The following SHROOM2 variants were observed in gnomAD, a reference collection of about 807,000 sequenced individuals.
The protein encoded by SHROOM2 is protein Shroom2.
Under a neutral mutation model 75.9 loss-of-function variants are expected in SHROOM2, and 33 were observed. That is an observed-to-expected ratio of 0.43 (90% CI 0.33 to 0.58). SHROOM2 has a LOEUF of 0.58. SHROOM2 is among the 20% of genes least tolerant of loss of function. The probability of loss-of-function intolerance (pLI) is 0.04; values close to 1 mark genes in which losing one functional copy is unlikely to be tolerated. For missense variants in SHROOM2, 1,434 were observed against 1,461.2 expected (o/e 0.98, Z 0.30); for synonymous variants, 655 against 663.6 (o/e 0.99, Z 0.20).
chrX:9,900,226 C>A (rs755762001), intron 5 of SHROOM2, among the ~76,000 whole-genome samples: 2 of 110,047 alleles, frequency 1.8e-5, no homozygotes, highest in African/African-American at 6.6e-5. Context: ...AGTGGTGAGG[C>A]GCGATGAAAT....
At chrX:9,864,549 T>C (rs1488923448) in intron 1 of SHROOM2, among the ~76,000 whole-genome samples, 1 of 110,733 alleles carries the variant, frequency 9.0e-6, no homozygotes, top group Admixed American at 9.6e-5. Context: ...CCGGGCGCGG[T>C]GGCTCACGCC....
intron 5 of SHROOM2, among the ~76,000 whole-genome samples, chrX:9,911,599 T>A (rs2084426523): frequency 9.0e-6 from 1 of 110,804 alleles, no homozygotes; most frequent in Non-Finnish European, 1.9e-5. Context: ...TGCTGAGGTC[T>A]GGGGCTGCGT....
intron 1 of SHROOM2, among the ~76,000 whole-genome samples, chrX:9,813,861 T>C (rs986169106): frequency 8.0e-5 from 9 of 112,069 alleles, no homozygotes; most frequent in African/African-American, 2.9e-4. Context: ...TTATGGTAGC[T>C]ACGCACACCT....
intron 2 of SHROOM2, among the ~76,000 whole-genome samples, chrX:9,887,763 G>T (rs1475622286): frequency 2.7e-5 from 3 of 112,835 alleles, no homozygotes; most frequent in African/African-American, 9.7e-5. Context: ...GAGGGAGGCG[G>T]TGTAAACAGT....
intron 5 of SHROOM2, among the ~76,000 whole-genome samples, chrX:9,900,811 C>T (rs1251363056): frequency 9.0e-6 from 1 of 111,073 alleles, no homozygotes; most frequent in East Asian, 2.8e-4. Flanking sequence ...TTGCTTCCCT[C>T]CAGCTCTTCT....
chrX:9,932,252 C>A lies in SHROOM2; in HGVS notation c.2969C>A (p.Pro990His). 4 of 1,186,451 alleles carry A rather than the reference C, an allele frequency of 3.4e-6. No homozygotes were observed. The highest frequency in any genetic ancestry group is 4.5e-6 in the Non-Finnish European group (4 of 881,233). ...CCGAGTCAGAAGGCACCGAACCCACCCACATTCTCTGAACTATCTCACTGC... is the reference window on the plus strand; with the variant it reads ...CCGAGTCAGAAGGCACCGAACCCACACACATTCTCTGAACTATCTCACTGC... Reference protein sequence around the residue: ...HPPSQKAPNPPTFSELSHCRG... With the variant: ...HPPSQKAPNPHTFSELSHCRG... Residue 990 changes from proline to histidine, a missense_variant, in exon 6 of 10, where the codon CCC (proline) becomes CAC (histidine). Coordinates refer to ENST00000380913, the MANE Select transcript of SHROOM2 (RefSeq NM_001649.4).
chrX:9,918,800 T>C (rs1056821255), intron 5 of SHROOM2, among the ~76,000 whole-genome samples: 1 of 112,109 alleles, frequency 8.9e-6, no homozygotes, highest in Non-Finnish European at 1.9e-5. Flanking sequence ...TGAGTGCTTC[T>C]TATGAGGGTA....
intron 1 of SHROOM2, among the ~76,000 whole-genome samples, chrX:9,842,931 C>T (rs1160602494): frequency 9.0e-6 from 1 of 111,675 alleles, no homozygotes; most frequent in African/African-American, 3.3e-5. Flanking sequence ...TCTGCAGCTT[C>T]CCAGGAGCCC....
At chrX:9,929,313 G>A (rs2084625257) in intron 5 of SHROOM2, among the ~76,000 whole-genome samples, 1 of 112,415 alleles carries the variant, frequency 8.9e-6, no homozygotes, top group Middle Eastern at 4.6e-3. Flanking sequence ...AGACATTGCT[G>A]TGCTGCTGCA....
intron 1 of SHROOM2, among the ~76,000 whole-genome samples, chrX:9,789,383 C>A (rs1336159100): frequency 9.2e-6 from 1 of 109,063 alleles, no homozygotes; most frequent in African/African-American, 3.3e-5. Flanking sequence ...CTCCTCAGTA[C>A]GTTTCTGCTG....
chrX:9,934,883 C>T (rs1332657551), intron 6 of SHROOM2, among the ~76,000 whole-genome samples: 4 of 111,052 alleles, frequency 3.6e-5, no homozygotes. Context: ...AGTGATTCTG[C>T]TGCCTCAGCC....
intron 1 of SHROOM2, among the ~76,000 whole-genome samples, chrX:9,792,455 T>TG (rs200792309): frequency 0.11 from 4,775 of 42,292 alleles, 132 homozygotes; most frequent in Non-Finnish European, 0.2. Context: ...TTTTTTTGTG[T>TG]TGTTTTTTTT....
intron 1 of SHROOM2, among the ~76,000 whole-genome samples, chrX:9,800,001 A>G (rs1398710623): frequency 1.8e-5 from 2 of 110,964 alleles, no homozygotes; most frequent in Admixed American, 9.7e-5. Flanking sequence ...GTTTATCCCC[A>G]AATCTAGAAG....
At chrX:9,874,207 A>G (rs775135724) in intron 2 of SHROOM2, among the ~76,000 whole-genome samples, 1 of 111,771 alleles carries the variant, frequency 8.9e-6, no homozygotes, top group East Asian at 2.8e-4. Context: ...CCAGCCACCA[A>G]GGGTTTAGAG....
At chrX:9,868,727 CTTTTTTTTTTTTTTTTTT>C (rs56343437) in intron 1 of SHROOM2, among the ~76,000 whole-genome samples, 1 of 28,707 alleles carries the variant, frequency 3.5e-5, no homozygotes, top group Non-Finnish European at 5.6e-5. Context: ...ATTTTTTACC[CTTTTTTTTTTTTTTTTTT>C]TTTTTTTTTT....
In SHROOM2 at chrX:9,880,507, T is replaced by A. The variant is rs545027990; in HGVS notation, c.317+6704T>A. 1.1e-4 allele frequency among the ~76,000 whole-genome samples: 12 copies of A among 111,871 alleles called. No homozygotes were observed. In the South Asian group the frequency reaches 4.4e-3, roughly 41 times the overall value. ...TGTGTTGCCAAGGGGCAGGGAGAGG[T>A]GATATTGGCAGAGCCATGAGCGATG... On this transcript the variant is annotated intron_variant, in intron 2 of 9. Coordinates refer to ENST00000380913, the MANE Select transcript of SHROOM2 (RefSeq NM_001649.4).
chrX:9,939,452 C>A (rs2084749736), intron 8 of SHROOM2, 86 bp downstream of exon 8: 2 of 844,346 alleles, frequency 2.4e-6, no homozygotes, highest in East Asian at 3.5e-5. Context: ...CCAGCGCAGA[C>A]CCTGCACCAC....
intron 5 of SHROOM2, among the ~76,000 whole-genome samples, chrX:9,915,367 A>G (rs1289431098): frequency 9.0e-6 from 1 of 111,162 alleles, no homozygotes; most frequent in Non-Finnish European, 1.9e-5. Context: ...AGACACACGC[A>G]CAGGGGTAAT....
intron 1 of SHROOM2, among the ~76,000 whole-genome samples, chrX:9,848,453 G>A (rs1007743098): frequency 8.4e-5 from 7 of 82,990 alleles, no homozygotes; most frequent in African/African-American, 2.3e-4. Context: ...GCAGTGAGCC[G>A]AGATTGCGCC....
Sources: allele counts gnomAD v4.1 joint callset (sites outside exome capture counted in the v4.1 genomes callset), GRCh38; gene constraint gnomAD v4.1.1; transcripts MANE v1.5; gene names NCBI Gene and HGNC (gene_info 2026-07-23, HGNC 2026-07-21).